The following DLC1 variants were observed in gnomAD, a reference collection of about 807,000 sequenced individuals.
The protein encoded by DLC1 is DLC1 Rho GTPase activating protein.
DLC1 carries 54 observed loss-of-function variants against 140.3 expected under a neutral mutation model. That is an observed-to-expected ratio of 0.38 (90% CI 0.31 to 0.48). The LOEUF (loss-of-function observed/expected upper bound fraction) is 0.48. Among genes scored for constraint, DLC1 ranks in the 20% least tolerant of loss-of-function variants. The pLI, the probability that DLC1 is intolerant of heterozygous loss-of-function variation, is 0.96. For synonymous variants in DLC1, 986 were observed against 728.1 expected (o/e 1.35, Z -5.70); for missense variants, 2,536 against 1,907.0 (o/e 1.33, Z -6.14).
At position 13,413,256 on chromosome 8, in the gene DLC1, A is replaced by ATTTTTTTGTTTTTTTTTTTTTTTTTT. The variant is rs1837875954; in HGVS notation, c.1024-11638_1024-11637insAAAAAAAAAAAAAAAAAACAAAAAAA. ...TAAAACATTATGAGATTTTTTTGCGATTTTTTTTTTTTTTTTTTTTTAGCT... is the reference window on the plus strand; with the variant it reads ...TAAAACATTATGAGATTTTTTTGCGATTTTTTTGTTTTTTTTTTTTTTTTTTTTTTTTTTTTTTTTTTTTTTTAGCT... On this transcript the variant is annotated intron_variant, in intron 2 of 17. Transcript: ENST00000276297. Among the ~76,000 whole-genome samples the ATTTTTTTGTTTTTTTTTTTTTTTTTT allele has an allele frequency of 3.7e-5, 3 of 82,004 alleles. 1 individual carries two copies. Among genetic ancestry groups the ATTTTTTTGTTTTTTTTTTTTTTTTTT allele is most frequent in the Non-Finnish European group, 6.8e-5 (3 of 44,150 alleles). 53.8% of individuals were successfully genotyped at this position (82,004 alleles called of 152,430 possible). A position where few individuals can be genotyped will look rare whatever the true frequency, so the allele number is the denominator to read the frequency against.
intron 5 of DLC1, among the ~76,000 whole-genome samples, chr8:13,142,569 A>G (rs1210012595): frequency 6.6e-6 from 1 of 152,218 alleles, no homozygotes; most frequent in African/African-American, 2.4e-5. Context: ...ATGATATAAG[A>G]AGGTTAAAAG....
chr8:13,522,024 G>C (rs1277254988), intron 1 of DLC1, among the ~76,000 whole-genome samples: 2 of 151,984 alleles, frequency 1.3e-5, no homozygotes, highest in Non-Finnish European at 2.9e-5. Context: ...GACGGAGAAG[G>C]GTACATTTGT....
intron 1 of DLC1, among the ~76,000 whole-genome samples, chr8:13,546,856 T>G (rs1042494282): frequency 3.3e-5 from 5 of 152,164 alleles, no homozygotes; most frequent in African/African-American, 1.2e-4. Flanking sequence ...GTCTCTAGAA[T>G]GCTGTATATT....
chr8:13,251,155 T>A (rs1829987586), intron 5 of DLC1, among the ~76,000 whole-genome samples: 2 of 152,198 alleles, frequency 1.3e-5, no homozygotes, highest in African/African-American at 4.8e-5. Context: ...CTCTTTCTCT[T>A]CTTGTGAGGA....
intron 10 of DLC1, among the ~76,000 whole-genome samples, chr8:13,098,120 G>A (rs959771457): frequency 6.6e-6 from 1 of 151,140 alleles, no homozygotes; most frequent in Non-Finnish European, 1.5e-5. Flanking sequence ...AGCCACTCTG[G>A]AGCCTCAGGT....
At chr8:13,238,514 A>T (rs1829395875) in intron 5 of DLC1, among the ~76,000 whole-genome samples, 1 of 151,378 alleles carries the variant, frequency 6.6e-6, no homozygotes, top group African/African-American at 2.4e-5. Context: ...CCCTGTCTCA[A>T]AAAAAGAAAG....
At chr8:13,111,299 T>C (rs567651934) in intron 6 of DLC1, among the ~76,000 whole-genome samples, 23 of 152,284 alleles carry the variant, frequency 1.5e-4, no homozygotes, top group African/African-American at 5.1e-4. Context: ...AAATGGAATG[T>C]AATCCACTCA....
intron 5 of DLC1, among the ~76,000 whole-genome samples, chr8:13,246,509 T>G (rs1286619858): frequency 6.6e-6 from 1 of 152,128 alleles, no homozygotes; most frequent in African/African-American, 2.4e-5. Flanking sequence ...GGAGAGAGTA[T>G]GACTGTGTGT....
chr8:13,407,919 A>T (rs1837635678), intron 2 of DLC1, among the ~76,000 whole-genome samples: 1 of 152,228 alleles, frequency 6.6e-6, no homozygotes, highest in Admixed American at 6.5e-5. Flanking sequence ...TCATTTGACA[A>T]TAAATTTCTC....
chr8:13,455,639 T>A (rs1019894058), intron 2 of DLC1, among the ~76,000 whole-genome samples: 1 of 152,240 alleles, frequency 6.6e-6, no homozygotes, highest in African/African-American at 2.4e-5. Context: ...CTGGCCACCC[T>A]GTGCCTAAAA....
chr8:13,342,558 ACT>A (rs1834112116), intron 4 of DLC1: 1 of 152,336 alleles, frequency 6.6e-6, no homozygotes, highest in African/African-American at 2.4e-5. Context: ...AAGAGGAAAG[ACT>A]GAGGTTTCCT....
intron 1 of DLC1, among the ~76,000 whole-genome samples, chr8:13,548,829 G>A (rs969015735): frequency 2.6e-5 from 4 of 151,954 alleles, no homozygotes; most frequent in African/African-American, 9.7e-5. Flanking sequence ...CTGAGCCATA[G>A]GGAAGATCAC....
At chr8:13,092,379 T>A (rs527304636) in intron 13 of DLC1, among the ~76,000 whole-genome samples, 1 of 152,322 alleles carries the variant, frequency 6.6e-6, no homozygotes, top group African/African-American at 2.4e-5. Context: ...AGGAAAAGGA[T>A]CAGTTCGATG....
At chr8:13,577,691 T>C (rs1216022881) in intron 1 of DLC1, among the ~76,000 whole-genome samples, 1 of 152,240 alleles carries the variant, frequency 6.6e-6, no homozygotes, top group Non-Finnish European at 1.5e-5. Context: ...TTGAGTCAAA[T>C]TATGCCCACT....
chr8:13,583,476 G>A (rs2117450956), intron 1 of DLC1, among the ~76,000 whole-genome samples: 1 of 152,240 alleles, frequency 6.6e-6, no homozygotes, highest in African/African-American at 2.4e-5. Context: ...TAGTTCTCTT[G>A]CTATTTCTAT....
At chr8:13,560,434 G>A (rs1175215494) in intron 1 of DLC1, among the ~76,000 whole-genome samples, 5 of 149,980 alleles carry the variant, frequency 3.3e-5, no homozygotes, top group Non-Finnish European at 7.4e-5. Context: ...GGCCCCCACA[G>A]ATGTTCACCT....
chr8:13,560,052 G>A (rs1563440915), intron 1 of DLC1, among the ~76,000 whole-genome samples: 1 of 152,112 alleles, frequency 6.6e-6, no homozygotes, highest in Non-Finnish European at 1.5e-5. Flanking sequence ...CCAAGACAAA[G>A]TAGCAAAAGA....
intron 5 of DLC1, among the ~76,000 whole-genome samples, chr8:13,179,894 G>C (rs1403208938): frequency 6.6e-6 from 1 of 152,092 alleles, no homozygotes; most frequent in East Asian, 1.9e-4. Flanking sequence ...GAAGGAATGA[G>C]GGAAATTAAT....
intron 1 of DLC1, among the ~76,000 whole-genome samples, chr8:13,501,364 T>C (rs1242373760): frequency 6.6e-6 from 1 of 152,184 alleles, no homozygotes; most frequent in African/African-American, 2.4e-5. Flanking sequence ...GTTATAAAAA[T>C]GACTAACCCA....
Sources: allele counts gnomAD v4.1 joint callset (sites outside exome capture counted in the v4.1 genomes callset), GRCh38; gene constraint gnomAD v4.1.1; transcripts MANE v1.5; gene names NCBI Gene and HGNC (gene_info 2026-07-23, HGNC 2026-07-21).